TRPM3: variants seen among roughly 807,000 people sequenced by gnomAD.
The protein encoded by TRPM3 is long transient receptor potential channel 3.
TRPM3 carries 77 observed loss-of-function variants against 181.2 expected under a neutral mutation model. The observed-to-expected ratio is 0.42, with a 90% confidence interval of 0.35 to 0.51. The LOEUF is 0.51. Ranked by LOEUF, TRPM3 falls within the 20% of genes least tolerant of loss-of-function variation. TRPM3 has a pLI of 0.01. For missense variants in TRPM3, 1,759 were observed against 2,196.7 expected (o/e 0.80, Z 3.98); for synonymous variants, 745 against 796.4 (o/e 0.94, Z 1.09).
intron 1 of TRPM3, among the ~76,000 whole-genome samples, chr9:71,202,593 C>T (rs1193155080): frequency 6.6e-6 from 1 of 152,156 alleles, no homozygotes; most frequent in East Asian, 1.9e-4. Flanking sequence ...GTGGCAGGTA[C>T]ACAAAACCTC....
At chr9:70,559,943 C>T (rs555265166) in intron 22 of TRPM3, among the ~76,000 whole-genome samples, 230 of 152,256 alleles carry the variant, frequency 1.5e-3, no homozygotes, top group Non-Finnish European at 2.5e-4. Flanking sequence ...GACCCTGCCC[C>T]CTGTGTATTT....
chr9:70,891,086 G>T (rs765907135), intron 1 of TRPM3, among the ~76,000 whole-genome samples: 5 of 152,002 alleles, frequency 3.3e-5, no homozygotes, highest in Admixed American at 6.6e-5. Flanking sequence ...CGAGTTAATG[G>T]GTGCAGCACA....
intron 16 of TRPM3, 114 bp from the exon 17 acceptor site, chr9:70,619,209 A>C: frequency 1.3e-6 from 1 of 793,306 alleles, no homozygotes; most frequent in Non-Finnish European, 2.0e-6. Context: ...TAGGTGTTTC[A>C]TATGGGGTCT....
At chr9:71,268,708 G>C (rs111289104) in intron 1 of TRPM3, among the ~76,000 whole-genome samples, 106 of 152,172 alleles carry the variant, frequency 7.0e-4, no homozygotes, top group African/African-American at 2.5e-3. Context: ...TGTAATCCCA[G>C]CTACTCAGTT....
At chr9:70,993,791 AAAAAAAAAAAAAAAGAAAG>A (rs869029406) in intron 1 of TRPM3, among the ~76,000 whole-genome samples, 3 of 125,728 alleles carry the variant, frequency 2.4e-5, no homozygotes, top group Non-Finnish European at 3.5e-5. Context: ...TCTCAAAAAA[AAAAAAAAAAAAAAAGAAAG>A]AAAGAAAGAA....
intron 1 of TRPM3, among the ~76,000 whole-genome samples, chr9:71,073,363 T>G (rs2063027515): frequency 6.6e-6 from 1 of 152,198 alleles, no homozygotes; most frequent in Non-Finnish European, 1.5e-5. Flanking sequence ...GTAGGACATG[T>G]GACGGTTCAA....
At chr9:70,583,351 G>C (rs1239910156) in intron 22 of TRPM3, among the ~76,000 whole-genome samples, 3 of 152,304 alleles carry the variant, frequency 2.0e-5, no homozygotes, top group East Asian at 3.9e-4. Context: ...TGGTGTTTCT[G>C]GAGTTCCACT....
At chr9:70,909,469 G>T (rs2096513369) in intron 1 of TRPM3, among the ~76,000 whole-genome samples, 1 of 152,118 alleles carries the variant, frequency 6.6e-6, no homozygotes, top group South Asian at 2.1e-4. Context: ...AGGAATCCAT[G>T]CTGAAGCCCA....
At chr9:71,212,067 C>A (rs930838642) in intron 1 of TRPM3, among the ~76,000 whole-genome samples, 5 of 152,148 alleles carry the variant, frequency 3.3e-5, no homozygotes, top group Admixed American at 3.3e-4. Context: ...TCATCCTCTG[C>A]CTCCATGCTT....
At chr9:71,016,249 T>C (rs1397088902) in intron 1 of TRPM3, among the ~76,000 whole-genome samples, 1 of 94,556 alleles carries the variant, frequency 1.1e-5, no homozygotes, top group Non-Finnish European at 2.1e-5. Context: ...TGTGTGTGTG[T>C]GTGTGTGTGT....
intron 1 of TRPM3, among the ~76,000 whole-genome samples, chr9:70,886,126 G>A (rs1445043726): frequency 6.6e-6 from 1 of 152,050 alleles, no homozygotes; most frequent in Non-Finnish European, 1.5e-5. Context: ...AAGTCCTTAG[G>A]TAAAGTTAAG....
intron 1 of TRPM3, among the ~76,000 whole-genome samples, chr9:71,192,683 T>C (rs1025397933): frequency 6.6e-6 from 1 of 151,884 alleles, no homozygotes; most frequent in Non-Finnish European, 1.5e-5. Context: ...GGCTTGAAAA[T>C]ATTTTCTCCC....
intron 21 of TRPM3, among the ~76,000 whole-genome samples, chr9:70,591,888 A>G (rs2058176593): frequency 6.6e-6 from 1 of 152,178 alleles, no homozygotes; most frequent in Non-Finnish European, 1.5e-5. Flanking sequence ...CCCATTGGCT[A>G]TGGAGGGTGT....
At chr9:71,128,361 T>C (rs1268661257) in intron 1 of TRPM3, among the ~76,000 whole-genome samples, 3 of 152,182 alleles carry the variant, frequency 2.0e-5, no homozygotes, top group Non-Finnish European at 4.4e-5. Context: ...TTCAAAGGCC[T>C]AGAGCTAAAA....
At chr9:70,865,741 C>T (rs989534718) in intron 1 of TRPM3, among the ~76,000 whole-genome samples, 6 of 152,082 alleles carry the variant, frequency 3.9e-5, no homozygotes, top group African/African-American at 1.4e-4. Flanking sequence ...TTGCCTAATA[C>T]TCGTGACAGT....
intron 1 of TRPM3, among the ~76,000 whole-genome samples, chr9:71,154,221 AAATAT>A (rs757380836): frequency 4.6e-5 from 7 of 152,166 alleles, no homozygotes; most frequent in Non-Finnish European, 8.8e-5. Flanking sequence ...TAACTTTTTA[AAATAT>A]AATATCCATA....
At chr9:70,645,389 C>T (rs2058678921) in intron 9 of TRPM3, among the ~76,000 whole-genome samples, 1 of 152,064 alleles carries the variant, frequency 6.6e-6, no homozygotes, top group African/African-American at 2.4e-5. Flanking sequence ...GAGCAGAGGC[C>T]TCAGAAATAG....
chr9:70,670,539 C>T (rs4131069), intron 9 of TRPM3, among the ~76,000 whole-genome samples: 41,683 of 151,994 alleles, frequency 0.27, 5,919 homozygotes, highest in South Asian at 0.33. Flanking sequence ...ATGTGCTTAA[C>T]CACTTTCTAG....
At chr9:71,270,223 GC>G (rs1184269630) in intron 1 of TRPM3, among the ~76,000 whole-genome samples, 1 of 152,114 alleles carries the variant, frequency 6.6e-6, no homozygotes, top group Non-Finnish European at 1.5e-5. Flanking sequence ...AGTGGTGGGT[GC>G]CTGTAATCAC....
Sources: allele counts gnomAD v4.1 joint callset (sites outside exome capture counted in the v4.1 genomes callset), GRCh38; gene constraint gnomAD v4.1.1; transcripts MANE v1.5; gene names NCBI Gene and HGNC (gene_info 2026-07-23, HGNC 2026-07-21).